LBR: variants seen among roughly 807,000 people sequenced by gnomAD.
The protein encoded by LBR is lamin B receptor.
Under a neutral mutation model 74.3 loss-of-function variants are expected in LBR, and 28 were observed. The ratio of observed to expected loss-of-function variants is 0.38; its 90% CI spans 0.28 to 0.52. The LOEUF (loss-of-function observed/expected upper bound fraction) is 0.52, where lower values mean the gene tolerates loss of function less well. LBR is among the 20% of genes least tolerant of loss of function. The pLI, the probability that LBR is intolerant of heterozygous loss-of-function variation, is 0.89. For missense variants in LBR, 717 were observed against 760.3 expected (o/e 0.94, Z 0.67); for synonymous variants, 228 against 269.3 (o/e 0.85, Z 1.50).
At chr1:225,422,991 GC>G (rs1558658315) in intron 2 of LBR, among the ~76,000 whole-genome samples, 1 of 152,144 alleles carries the variant, frequency 6.6e-6, no homozygotes, top group Non-Finnish European at 1.5e-5. Context: ...GCCTGGAGCC[GC>G]TCCCATAAAG....
intron 2 of LBR, among the ~76,000 whole-genome samples, chr1:225,423,446 A>T (rs1575231531): frequency 6.7e-6 from 1 of 148,270 alleles, no homozygotes; most frequent in African/African-American, 2.5e-5. Context: ...GCCCTCCCCT[A>T]CCACCCCCTT....
upstream of LBR, among the ~76,000 whole-genome samples, chr1:225,428,260 G>A (rs1230164121): frequency 6.6e-6 from 1 of 152,098 alleles, no homozygotes; most frequent in Non-Finnish European, 1.5e-5. Flanking sequence ...GGGCGGGGAG[G>A]CCGGTGAGCG....
intron 13 of LBR, among the ~76,000 whole-genome samples, chr1:225,403,905 G>A (rs2096086160): frequency 1.7e-5 from 1 of 59,324 alleles, no homozygotes; most frequent in Admixed American, 2.3e-4. Flanking sequence ...AGATCCCCCT[G>A]CTCCCCCAGT....
rs587777171 is a variant in LBR at position 225,404,452 on chromosome 1, T to C, written c.1639A>G (p.Asn547Asp). 2.5e-6 allele frequency: 4 copies of C among 1,614,176 alleles called. No homozygotes were observed. Among genetic ancestry groups the C allele is most frequent in the Non-Finnish European group, 3.4e-6 (4 of 1,180,030 alleles). ...GCCATGATGAGATCACCCAAGTAATTGGGGTGGCGAACAAAGCCCCACCAT... is the reference window on the plus strand; with the variant it reads ...GCCATGATGAGATCACCCAAGTAATCGGGGTGGCGAACAAAGCCCCACCAT... ...SGWWGFVRHP[N>D]YLGDLIMALA... The change falls in exon 13 of 14, where the codon AAT (asparagine) becomes GAT (aspartate). Residue 547 changes from asparagine to aspartate, a missense_variant. By Grantham distance (23) the Asn-to-Asp change is conservative (BLOSUM62 1). Transcript: ENST00000272163.
rs747489375 is a variant in LBR at position 225,406,776 on chromosome 1, A to C, written c.1371T>G (p.Ala457=). The C allele has an allele frequency of 3.1e-6, 5 of 1,614,260 alleles. 1 individual carries two copies. The South Asian group carries it at 5.5e-5, about 18-fold the overall frequency. Residue 457 remains alanine (A), a synonymous_variant, in exon 11 of 14, where the codon GCT becomes GCG. Coordinates refer to ENST00000272163, the MANE Select transcript of LBR (RefSeq NM_002296.4). ...IIHDGFGFML[A]FGDLVWVPFI... ...AGGGAACCCACACCAAGTCTCCAAAAGCCAGCATGAATCCAAATCCATCGT... is the reference window on the plus strand; with the variant it reads ...AGGGAACCCACACCAAGTCTCCAAACGCCAGCATGAATCCAAATCCATCGT...
At chr1:225,415,963 G>A (rs1229242273) in intron 6 of LBR, among the ~76,000 whole-genome samples, 5 of 152,108 alleles carry the variant, frequency 3.3e-5, no homozygotes, top group Non-Finnish European at 7.3e-5. Context: ...AGCACTTTGA[G>A]AGGTCAAGGT....
At chr1:225,408,308 G>C (rs2096096688) in intron 10 of LBR, among the ~76,000 whole-genome samples, 1 of 152,180 alleles carries the variant, frequency 6.6e-6, no homozygotes, top group Admixed American at 6.5e-5. Flanking sequence ...CTGTCCCCAA[G>C]AGTGTCTTAT....
Position 225,418,595 on chromosome 1 carries a change from T to A in LBR, c.641-415A>T, listed in dbSNP as rs112390301. Among the ~76,000 whole-genome samples, 154 of 152,338 alleles carry A rather than the reference T, an allele frequency of 1.0e-3. 2 individuals are homozygous for A. Among genetic ancestry groups the A allele is most frequent in the African/African-American group, 3.6e-3 (149 of 41,582 alleles). Reference sequence around the variant, plus strand: ...TCAGTTTCTAACAATTAAAATAGTGTCACGTTCATGTAATGTGTGCAGATT... The same window carrying A: ...TCAGTTTCTAACAATTAAAATAGTGACACGTTCATGTAATGTGTGCAGATT... On this transcript the variant is annotated intron_variant, in intron 5 of 13. Coordinates refer to ENST00000272163, the MANE Select transcript of LBR (RefSeq NM_002296.4).
intron 10 of LBR, among the ~76,000 whole-genome samples, chr1:225,407,780 G>C (rs1315284035): frequency 6.6e-6 from 1 of 151,944 alleles, no homozygotes; most frequent in Non-Finnish European, 1.5e-5. Context: ...TTCCAGAAAA[G>C]AAAGCAAATA....
intron 2 of LBR, 60 bp downstream of exon 2, chr1:225,423,851 T>C (rs1343028063): frequency 1.3e-6 from 2 of 1,488,086 alleles, no homozygotes; most frequent in African/African-American, 1.4e-5. Flanking sequence ...TTAGAAACCA[T>C]ACTTAGAGTT....
In LBR at chr1:225,402,047, C is replaced by T. The variant is rs2096082806; in HGVS notation, c.*1256G>A. On this transcript the variant is annotated 3_prime_UTR_variant, in exon 14 of 14. Transcript: ENST00000272163. ...AAAGTTTAGTGAATTTGCTACTGTT[C>T]CATTACAGGACAATTAAAAATGAGA... 1 of 152,158 alleles carries T rather than the reference C, an allele frequency of 6.6e-6. No individual in the cohort carries two copies. The highest frequency in any genetic ancestry group is 6.5e-5 in the Admixed American group (1 of 15,284). 9.4% of individuals were successfully genotyped at this position (152,158 alleles called of 1,614,324 possible).
rs75370012 is a variant in LBR at position 225,415,432 on chromosome 1, A to G, written c.838-100T>C. On this transcript the variant is annotated intron_variant, in intron 6 of 13. Transcript: ENST00000272163. ...TATATTCTAGTATCACTTAATTTTC[A>G]ACACGCCCAAGAAGGAAGATATCTT... The G allele has an allele frequency of 1.3e-4, 87 of 676,058 alleles. No homozygotes were observed. In the East Asian group the frequency reaches 2.4e-3, roughly 19 times the overall value. The allele number at this position is 676,058 out of a possible 1,614,324, so 41.9% of individuals were successfully genotyped here. A position where few individuals can be genotyped will look rare whatever the true frequency, so the allele number is the denominator to read the frequency against.
At chr1:225,422,363 A>G (rs528491619) in intron 2 of LBR, 86 bp from the exon 3 acceptor site, 2 of 1,050,590 alleles carry the variant, frequency 1.9e-6, no homozygotes, top group Non-Finnish European at 2.9e-6. Flanking sequence ...TAACAAAGGC[A>G]GGAACTGCTA....
chr1:225,419,408 C>T lies in LBR; in HGVS notation c.495G>A (p.Gln165=), dbSNP rs1575228148. The T allele has an allele frequency of 6.2e-7, 1 of 1,613,718 alleles. No homozygotes were observed. Among genetic ancestry groups the T allele is most frequent in the Non-Finnish European group, 8.5e-7 (1 of 1,179,598 alleles). Residue 165 remains glutamine (Q), a synonymous_variant, in exon 5 of 14, where the codon CAG becomes CAA. Coordinates refer to ENST00000272163, the MANE Select transcript of LBR (RefSeq NM_002296.4). The part of the protein sequence containing the change: ...LSQESSYIAT[Q]YSLRPRREEV... Reference sequence around the variant, plus strand: ...CTTCTCTTCTTGGACGAAGGCTATACTGTGTTGCTATGTAACTGCTTTCTT... The same window carrying T: ...CTTCTCTTCTTGGACGAAGGCTATATTGTGTTGCTATGTAACTGCTTTCTT...
Position 225,424,049 on chromosome 1 carries a change from A to G in LBR, c.27T>C (p.Gly9=), listed in dbSNP as rs2096134133. The change falls in exon 2 of 14, where the codon GGT becomes GGC. Residue 9 remains glycine, a synonymous_variant. Transcript: ENST00000272163. MPSRKFAD[G]EVVRGRWPGS... ...CAGGCCATCGACCTCTTACCACTTCACCATCGGCAAATTTCCTACTTGGCA... is the reference window on the plus strand; with the variant it reads ...CAGGCCATCGACCTCTTACCACTTCGCCATCGGCAAATTTCCTACTTGGCA... The G allele has an allele frequency of 6.2e-7, 1 of 1,614,152 alleles. No individual in the cohort carries two copies. Among genetic ancestry groups the G allele is most frequent in the African/African-American group, 1.3e-5 (1 of 75,040 alleles).
chr1:225,409,724 C>G (rs2096100613), intron 10 of LBR, among the ~76,000 whole-genome samples: 1 of 152,042 alleles, frequency 6.6e-6, no homozygotes, highest in African/African-American at 2.4e-5. Context: ...ACAGAGAAAA[C>G]AAACAAAACA....
chr1:225,421,798 TACG>T lies in LBR; in HGVS notation c.366+276_366+278del, dbSNP rs2096127886. Among the ~76,000 whole-genome samples, 3 of 152,360 alleles carry T rather than the reference TACG, an allele frequency of 2.0e-5. No individual in the cohort carries two copies. In the South Asian group the frequency reaches 6.2e-4, roughly 32 times the overall value. ...GAACTTTTATACACTGTAAAAACCT[TACG>T]CAGTTCAATCTACAAGCTACATCTA... On this transcript the variant is annotated intron_variant, in intron 3 of 13. Coordinates refer to ENST00000272163, the MANE Select transcript of LBR (RefSeq NM_002296.4).
At chr1:225,415,795 C>T (rs939016925) in intron 6 of LBR, among the ~76,000 whole-genome samples, 5 of 152,066 alleles carry the variant, frequency 3.3e-5, no homozygotes, top group African/African-American at 1.2e-4. Flanking sequence ...CTACTATGAC[C>T]CAAGTGCTAT....
intron 1 of LBR, chr1:225,427,715 C>A (rs2096142934): frequency 6.6e-6 from 1 of 152,380 alleles, no homozygotes; most frequent in Non-Finnish European, 1.5e-5. Context: ...CCGCAGCGGG[C>A]CCGGCTCGGG....
Sources: gnomAD v4.1 joint callset for allele counts (sites outside exome capture counted in the v4.1 genomes callset) on GRCh38, gnomAD v4.1.1 for gene constraint, MANE v1.5 for transcripts, NCBI Gene and HGNC (gene_info 2026-07-23, HGNC 2026-07-21) for gene names.